Variants in PRX observed in about 807,000 individuals in gnomAD.
The protein encoded by PRX is periaxin.
In PRX, 24 loss-of-function variants were observed where a neutral mutation model predicts 29.6. The observed-to-expected ratio is 0.81, with a 90% CI of 0.59 to 1.14. The LOEUF (loss-of-function observed/expected upper bound fraction) is 1.14, where lower values mean the gene tolerates loss of function less well. Among genes scored for constraint, PRX ranks in the 50% most tolerant of loss-of-function variants. The pLI is 0.00. For synonymous variants in PRX, 772 were observed against 831.7 expected, an observed-to-expected ratio of 0.93 and a Z score of 1.24; for missense variants, 1,838 against 1,926.4, an observed-to-expected ratio of 0.95 and a Z score of 0.86.
intron 4 of PRX, among the ~76,000 whole-genome samples, chr19:40,406,298 C>T (rs2079530129): frequency 2.6e-5 from 4 of 151,564 alleles, no homozygotes; most frequent in Admixed American, 2.6e-4. Context: ...GGCTGGTCTC[C>T]AGCTCCTGGG....
chr19:40,394,082 C>G lies in PRX; in HGVS notation c.4270G>C (p.Gly1424Arg), dbSNP rs754032938. 45 of 1,611,320 alleles carry G rather than the reference C, an allele frequency of 2.8e-5. No individual in the cohort carries two copies. Among genetic ancestry groups the G allele is most frequent in the Admixed American group, 5.0e-5 (3 of 59,862 alleles). ...CCACCCTCTTCCTGGTCCCCACTCC[C>G]ACTCCGGGCCTTGGGGCTTAGGGAC... ...RVSLSPKARS[G>R]SGDQEEGGLR... Residue 1424 changes from glycine to arginine, a missense_variant, in exon 7 of 7, where the codon GGG (glycine) becomes CGG (arginine). Around this residue, in one of 3 missense-constraint regions of PRX, gnomAD observed 1,143 missense variants for 1,193.0 expected, o/e 0.96. Transcript: ENST00000324001. This position sits in a 1 kb window ranked among gnomAD's most constrained non-coding sequence, Gnocchi z 5.8.
rs1368840723 is a variant in PRX at position 40,397,339 on chromosome 19, G to A, written c.1013C>T (p.Ala338Val). Residue 338 changes from alanine to valine, a missense_variant, in exon 7 of 7, where the codon GCC (alanine) becomes GTC (valine). Around this residue, in one of 3 missense-constraint regions of PRX, gnomAD observed 666 missense variants for 665.0 expected, o/e 1.00. Coordinates refer to ENST00000324001, the MANE Select transcript of PRX (RefSeq NM_181882.3). ...VAAPTVGVDL[A>V]LPGAEVEARG... Reference sequence around the variant, plus strand: ...GGCCTCCACCTCTGCACCCGGCAAGGCCAGGTCCACCCCCACAGTCGGTGC... The same window carrying A: ...GGCCTCCACCTCTGCACCCGGCAAGACCAGGTCCACCCCCACAGTCGGTGC... 1 of 1,613,080 alleles carries A rather than the reference G, an allele frequency of 6.2e-7. No individual in the cohort carries two copies. The highest frequency in any genetic ancestry group is 8.5e-7 in the Non-Finnish European group (1 of 1,179,932).
rs116139153 is a variant in PRX, at chr19:40,395,858, C to G, written c.2494G>C (p.Val832Leu). Reference sequence around the variant, plus strand: ...TCTGGCTGCAGACAGGGAAGTGTTACCAGCTTCCCTGAGACCTCAGCACCC... The same window carrying G: ...TCTGGCTGCAGACAGGGAAGTGTTAGCAGCTTCCCTGAGACCTCAGCACCC... The part of the protein sequence containing the change: ...EAGAEVSGKL[V>L]TLPCLQPEVD... The change falls in exon 7 of 7, where the codon GTA becomes CTA. Residue 832 changes from valine (V) to leucine (L), a missense_variant. Val to Leu is a conservative substitution (Grantham distance 32). Coordinates refer to ENST00000324001, the MANE Select transcript of PRX (RefSeq NM_181882.3). 221 of 1,614,164 alleles carry G rather than the reference C, an allele frequency of 1.4e-4. 2 individuals are homozygous for G. In the African/African-American group the frequency reaches 2.5e-3, roughly 18 times the overall value.
intron 1 of PRX, 21 bp from the exon 2 acceptor site, chr19:40,408,404 A>G: frequency 3.9e-6 from 1 of 256,124 alleles, no homozygotes; most frequent in Non-Finnish European, 7.8e-6. Context: ...TAATGTGAGC[A>G]GTGTTATTGG....
At chr19:40,399,913 C>CTTTCTTTCTTTCTTTCTTTCT (rs1568712066) in intron 5 of PRX, among the ~76,000 whole-genome samples, 2 of 115,084 alleles carry the variant, frequency 1.7e-5, no homozygotes, top group Admixed American at 9.1e-5. Context: ...CTTTTTCTTT[C>CTTTCTTTCTTTCTTTCTTTCT]TTTCTTTCTT....
chr19:40,409,630 G>C (rs180762868), intron 1 of PRX, among the ~76,000 whole-genome samples: 2 of 151,630 alleles, frequency 1.3e-5, no homozygotes, highest in Non-Finnish European at 2.9e-5. Context: ...CCACCACCAC[G>C]CCTGGCTACT....
intron 4 of PRX, 182 bp downstream of exon 4, chr19:40,407,724 G>A: frequency 1.2e-6 from 1 of 806,672 alleles, no homozygotes; most frequent in Non-Finnish European, 2.0e-6. Context: ...GCTGCACTAA[G>A]GACATTACAT....
chr19:40,398,747 T>C lies in PRX; in HGVS notation c.254A>G (p.Gln85Arg), dbSNP rs2079466677. 2 of 1,613,968 alleles carry C rather than the reference T, an allele frequency of 1.2e-6. No individual in the cohort carries two copies. Among genetic ancestry groups the C allele is most frequent in the African/African-American group, 1.3e-5 (1 of 74,904 alleles). Reference sequence around the variant, plus strand: ...GGAGACTTTGTAAGGCTCGGCGCATTGCAGCAGGCGTAGTGCGTCCTCGTA... The same window carrying C: ...GGAGACTTTGTAAGGCTCGGCGCATCGCAGCAGGCGTAGTGCGTCCTCGTA... ...FKYEDALRLL[Q>R]CAEPYKVSFC... The change falls in exon 6 of 7, where the codon CAA (glutamine) becomes CGA (arginine). Residue 85 changes from glutamine to arginine, a missense_variant. Gln to Arg is a conservative substitution (Grantham distance 43, BLOSUM62 1). Around this residue, in one of 3 missense-constraint regions of PRX, gnomAD observed 666 missense variants for 665.0 expected, o/e 1.00. Coordinates refer to ENST00000324001, the MANE Select transcript of PRX (RefSeq NM_181882.3). This position sits in a 1 kb window ranked among gnomAD's most constrained non-coding sequence, Gnocchi z 6.3.
At chr19:40,399,514 G>A (rs892074798) in intron 5 of PRX, among the ~76,000 whole-genome samples, 1 of 152,294 alleles carries the variant, frequency 6.6e-6, no homozygotes, top group Non-Finnish European at 1.5e-5. Context: ...CTCCTCTCAA[G>A]GTTCCAGGCA....
At chr19:40,413,419 A>AG (rs963676874), upstream of PRX, 2 of 151,498 alleles carry the variant, frequency 1.3e-5, no homozygotes, top group African/African-American at 4.9e-5. Flanking sequence ...AGGAATGGGG[A>AG]GGGGGGAGGA....
At position 40,395,092 on chromosome 19, in the gene PRX, G is replaced by A; in HGVS notation, c.3260C>T (p.Ala1087Val). The A allele has an allele frequency of 6.2e-7, 1 of 1,613,672 alleles. No individual in the cohort carries two copies. The highest frequency in any genetic ancestry group is 8.5e-7 in the Non-Finnish European group (1 of 1,180,012). Reference protein sequence around the residue: ...QGDRASPGEKAESTAVQLKIP... With the variant: ...QGDRASPGEKVESTAVQLKIP... ...CTTAAGCTGCACAGCGGTGGACTCA[G>A]CCTTTTCCCCCGGGCTGGCACGATC... Residue 1087 changes from alanine (A) to valine (V), a missense_variant, in exon 7 of 7, where the codon GCT (alanine) becomes GTT (valine). By Grantham distance (64) the Ala-to-Val change is moderately conservative. This residue lies in a region of PRX where 1,143 missense variants were observed against 1,193.0 expected (regional missense o/e 0.96). Transcript: ENST00000324001.
rs1287415463 is a variant in PRX, at chr19:40,394,987, T to C, written c.3365A>G (p.Gln1122Arg). 4.4e-6 allele frequency: 7 copies of C among 1,608,872 alleles called. No homozygotes were observed. Among genetic ancestry groups the C allele is most frequent in the Non-Finnish European group, 5.1e-6 (6 of 1,179,644 alleles). Residue 1122 changes from glutamine (Q) to arginine (R), a missense_variant, in exon 7 of 7, where the codon CAG (glutamine) becomes CGG (arginine). Coordinates refer to ENST00000324001, the MANE Select transcript of PRX (RefSeq NM_181882.3). This position sits in a 1 kb window ranked among gnomAD's most constrained non-coding sequence, Gnocchi z 5.8. ...AEGAVAVSGM[Q>R]LSGLKVSTAG... Reference sequence around the variant, plus strand: ...TGTGGACACCTTCAGGCCTGACAGCTGCATTCCACTGACGGCCACAGCCCC... The same window carrying C: ...TGTGGACACCTTCAGGCCTGACAGCCGCATTCCACTGACGGCCACAGCCCC...
chr19:40,402,463 C>A (rs1336360881), intron 5 of PRX, among the ~76,000 whole-genome samples: 1 of 152,006 alleles, frequency 6.6e-6, no homozygotes, highest in Non-Finnish European at 1.5e-5. Flanking sequence ...AGGTATTTTA[C>A]TTAATTTGCT....
rs1374128583 is a variant in PRX at position 40,397,349 on chromosome 19, C to G, written c.1003G>C (p.Val335Leu). Reference sequence around the variant, plus strand: ...TCTGCACCCGGCAAGGCCAGGTCCACCCCCACAGTCGGTGCTGCCACATCC... The same window carrying G: ...TCTGCACCCGGCAAGGCCAGGTCCAGCCCCACAGTCGGTGCTGCCACATCC... ...TLDVAAPTVG[V>L]DLALPGAEVE... The change falls in exon 7 of 7, where the codon GTG (valine) becomes CTG (leucine). Residue 335 changes from valine to leucine, a missense_variant. This residue lies in a region of PRX where 666 missense variants were observed against 665.0 expected (regional missense o/e 1.00). Coordinates refer to ENST00000324001, the MANE Select transcript of PRX (RefSeq NM_181882.3). The G allele has an allele frequency of 6.2e-7, 1 of 1,612,982 alleles. No individual in the cohort carries two copies. Among genetic ancestry groups the G allele is most frequent in the Non-Finnish European group, 8.5e-7 (1 of 1,179,910 alleles).
intron 5 of PRX, 76 bp downstream of exon 5, chr19:40,403,630 C>T (rs1201976609): frequency 2.0e-6 from 3 of 1,471,824 alleles, no homozygotes; most frequent in Non-Finnish European, 2.7e-6. Flanking sequence ...CAGTTTCAGC[C>T]TCTCTTTGGA....
Position 40,398,409 on chromosome 19 carries a change from A to C in PRX, c.381+211T>G, listed in dbSNP as rs2079462746. 10 of 1,474,094 alleles carry C rather than the reference A, an allele frequency of 6.8e-6. No homozygotes were observed. Among genetic ancestry groups the C allele is most frequent in the Non-Finnish European group, 8.9e-6 (10 of 1,120,540 alleles). The allele number at this position is 1,474,094 out of a possible 1,614,324, so 91.3% of individuals were successfully genotyped here. On this transcript the variant is annotated intron_variant, in intron 6 of 6. Transcript: ENST00000324001. This position sits in a 1 kb window ranked among gnomAD's most constrained non-coding sequence, Gnocchi z 6.3. ...ATCCGATGGTGGGGACGCCTCTCCG[A>C]GGTGGGTGAGGGCCCTGGGCTGGGG... is the stretch of plus-strand genomic sequence containing the variant.
At chr19:40,400,067 C>G (rs1057038443) in intron 5 of PRX, among the ~76,000 whole-genome samples, 1 of 151,504 alleles carries the variant, frequency 6.6e-6, no homozygotes, top group African/African-American at 2.4e-5. Flanking sequence ...ACTGCAACCT[C>G]TGCCTCCCGG....
At position 40,394,159 on chromosome 19, in the gene PRX, G is replaced by T. The variant is rs1438841813; in HGVS notation, c.4193C>A (p.Ala1398Asp). 4 of 1,590,322 alleles carry T rather than the reference G, an allele frequency of 2.5e-6. No individual in the cohort carries two copies. The highest frequency in any genetic ancestry group is 2.7e-5 in the African/African-American group (2 of 74,260). ...CTTCTCTCTGACGGGGGACTTGGGG[G>T]CTGCATCGCCCTCCTGCCCCCGAGA... is the stretch of plus-strand genomic sequence containing the variant. Reference protein sequence around the residue: ...KASRGQEGDAAPKSPVREKSP... With the variant: ...KASRGQEGDADPKSPVREKSP... Residue 1398 changes from alanine (A) to aspartate (D), a missense_variant, in exon 7 of 7, where the codon GCC becomes GAC. Ala to Asp is a moderately radical substitution (Grantham distance 126). Coordinates refer to ENST00000324001, the MANE Select transcript of PRX (RefSeq NM_181882.3). The surrounding 1 kb of genome is among the most constrained non-coding windows in gnomAD (Gnocchi z 5.8).
Position 40,396,381 on chromosome 19 carries a change from C to A in PRX, c.1971G>T (p.Val657=), listed in dbSNP as rs766837777. 1 of 1,613,358 alleles carries A rather than the reference C, an allele frequency of 6.2e-7. No homozygotes were observed. Among genetic ancestry groups the A allele is most frequent in the Non-Finnish European group, 8.5e-7 (1 of 1,179,868 alleles). Residue 657 remains valine, a synonymous_variant, in exon 7 of 7, where the codon GTG becomes GTT. Transcript: ENST00000324001. ...MAVPDVHLPE[V]QLPKVPEMKL... is the part of the protein sequence containing the mutation. ...TCATCTCTGGGACTTTCGGGAGCTGCACTTCCGGGAGGTGCACATCGGGCA... is the reference window on the plus strand; with the variant it reads ...TCATCTCTGGGACTTTCGGGAGCTGAACTTCCGGGAGGTGCACATCGGGCA...
Sources: gnomAD v4.1 joint callset for allele counts (sites outside exome capture counted in the v4.1 genomes callset) on GRCh38, gnomAD v4.1.1 for gene constraint, gnomAD v4.1.1 regional missense constraint, Gnocchi (gnomAD v3.1) non-coding constraint, MANE v1.5 for transcripts, NCBI Gene and HGNC (gene_info 2026-07-23, HGNC 2026-07-21) for gene names.